The following RBKS variants were observed in gnomAD, a reference collection of about 807,000 sequenced individuals.
RBKS encodes the protein ribokinase.
In RBKS, 33 loss-of-function variants were observed where a neutral mutation model predicts 33.9. That is an observed-to-expected ratio of 0.97 (90% CI 0.74 to 1.30). The LOEUF (loss-of-function observed/expected upper bound fraction) is 1.30. Among genes scored for constraint, RBKS ranks in the 50% most tolerant of loss-of-function variants. The pLI, the probability that RBKS is intolerant of heterozygous loss-of-function variation, is 0.00. For synonymous variants in RBKS, 125 were observed against 143.0 expected, an observed-to-expected ratio of 0.87 and a Z score of 0.90; for missense variants, 361 against 392.6, an observed-to-expected ratio of 0.92 and a Z score of 0.68.
intron 1 of RBKS, among the ~76,000 whole-genome samples, chr2:27,878,435 G>A (rs1177740211): frequency 6.6e-6 from 1 of 151,848 alleles, no homozygotes; most frequent in Non-Finnish European, 1.5e-5. Flanking sequence ...TATCATTGTT[G>A]GACATTTGGG....
intron 2 of RBKS, among the ~76,000 whole-genome samples, chr2:27,853,905 A>G (rs1239547798): frequency 6.6e-6 from 1 of 152,228 alleles, no homozygotes; most frequent in Non-Finnish European, 1.5e-5. Flanking sequence ...AGTTCAGGAA[A>G]GGACAGATTT....
intron 7 of RBKS, among the ~76,000 whole-genome samples, chr2:27,786,598 G>C (rs192280541): frequency 1.5e-4 from 23 of 152,098 alleles, no homozygotes; most frequent in African/African-American, 5.1e-4. Flanking sequence ...CTGGCCAAGA[G>C]GGTGAAACCC....
rs1201405786 is a variant in RBKS, at chr2:27,810,596, A to G, written c.795+16971T>C. Reference sequence around the variant, plus strand: ...CTTTATGTGAGTCGGAGTAAAAAATATGCTGAAAACCACTCAGACTGACAG... The same window carrying G: ...CTTTATGTGAGTCGGAGTAAAAAATGTGCTGAAAACCACTCAGACTGACAG... On this transcript the variant is annotated intron_variant, in intron 7 of 7. Coordinates refer to ENST00000302188, the MANE Select transcript of RBKS (RefSeq NM_022128.3). The surrounding 1 kb of genome is among the most constrained non-coding windows in gnomAD (Gnocchi z 4.4). 6.6e-6 allele frequency among the ~76,000 whole-genome samples: 1 copy of G among 152,232 alleles called. No individual in the cohort carries two copies. The highest frequency in any genetic ancestry group is 1.9e-4 in the East Asian group (1 of 5,196).
intron 1 of RBKS, among the ~76,000 whole-genome samples, chr2:27,881,272 G>T (rs972494838): frequency 2.6e-5 from 4 of 151,302 alleles, no homozygotes; most frequent in African/African-American, 4.9e-5. Context: ...CAGGCACAGT[G>T]GCTCACCTCT....
At chr2:27,884,552 C>CT (rs561922097) in intron 1 of RBKS, among the ~76,000 whole-genome samples, 27 of 148,780 alleles carry the variant, frequency 1.8e-4, no homozygotes, top group Admixed American at 5.4e-4. Flanking sequence ...CTGGCCATAA[C>CT]TTTTTTTTTT....
intron 7 of RBKS, 25 bp downstream of exon 7, chr2:27,827,542 A>G (rs1678335079): frequency 1.3e-6 from 2 of 1,521,856 alleles, no homozygotes; most frequent in Non-Finnish European, 8.8e-7. Context: ...AAGGCTAAAC[A>G]TGATTCTTAA....
intron 2 of RBKS, among the ~76,000 whole-genome samples, chr2:27,850,345 T>C (rs1663715644): frequency 6.6e-6 from 1 of 152,204 alleles, no homozygotes; most frequent in Non-Finnish European, 1.5e-5. Context: ...TCAAACTCCA[T>C]AGTTTACATT....
At chr2:27,865,378 C>G (rs1023096075) in intron 1 of RBKS, among the ~76,000 whole-genome samples, 2 of 152,158 alleles carry the variant, frequency 1.3e-5, no homozygotes, top group Non-Finnish European at 2.9e-5. Flanking sequence ...AATCTTTGCT[C>G]AGAAAGTCCT....
intron 7 of RBKS, among the ~76,000 whole-genome samples, chr2:27,817,944 A>T (rs532860464): frequency 6.6e-5 from 10 of 152,170 alleles, no homozygotes; most frequent in Non-Finnish European, 1.5e-4. Flanking sequence ...ACACCTGGGG[A>T]TTACAATTCG....
rs533506145 is a variant in RBKS at position 27,882,730 on chromosome 2, T to C, written c.89+7527A>G. 9.2e-5 allele frequency among the ~76,000 whole-genome samples: 14 copies of C among 152,322 alleles called. No homozygotes were observed. The South Asian group carries it at 2.9e-3, about 32-fold the overall frequency. ...AAGAAAATGTGGTACATATACACTA[T>C]GGAATACTACACAGTTGTTAAAAAG... On this transcript the variant is annotated intron_variant, in intron 1 of 7. Transcript: ENST00000302188.
chr2:27,784,566 C>T (rs538157124), intron 7 of RBKS, among the ~76,000 whole-genome samples: 1 of 152,174 alleles, frequency 6.6e-6, no homozygotes, highest in Non-Finnish European at 1.5e-5. Context: ...CACCTTGCCT[C>T]TGCCAGAAGG....
At chr2:27,838,972 G>GTA (rs1663394595) in intron 5 of RBKS, among the ~76,000 whole-genome samples, 2 of 152,182 alleles carry the variant, frequency 1.3e-5, no homozygotes, top group African/African-American at 2.4e-5. Flanking sequence ...AACTCTTTAT[G>GTA]GTGTTGTCAC....
chr2:27,790,104 A>G (rs774326038), intron 7 of RBKS, among the ~76,000 whole-genome samples: 19 of 151,660 alleles, frequency 1.3e-4, no homozygotes, highest in Non-Finnish European at 2.4e-4. Flanking sequence ...TGCTGAGATT[A>G]CAAGTGTGAT....
At chr2:27,834,798 G>A (rs1315219528) in intron 5 of RBKS, among the ~76,000 whole-genome samples, 1 of 152,174 alleles carries the variant, frequency 6.6e-6, no homozygotes, top group Non-Finnish European at 1.5e-5. Context: ...GGAACAACAT[G>A]GTAGAGCCAT....
At chr2:27,827,457 C>T in intron 7 of RBKS, 110 bp downstream of exon 7, 3 of 909,068 alleles carry the variant, frequency 3.3e-6, no homozygotes, top group Non-Finnish European at 4.8e-6. Context: ...TTTACCATAT[C>T]ACTTACTAGG....
At position 27,888,191 on chromosome 2, in the gene RBKS, G is replaced by A. The variant is rs576158533; in HGVS notation, c.89+2066C>T. ...CACCCAAGCTGGAGTGCAATGGCGC[G>A]ATCTCAGCTCACTGCTACCTCCACC... On this transcript the variant is annotated intron_variant, in intron 1 of 7. Coordinates refer to ENST00000302188, the MANE Select transcript of RBKS (RefSeq NM_022128.3). 2.7e-3 allele frequency among the ~76,000 whole-genome samples: 412 copies of A among 151,692 alleles called. 1 individual carries two copies. Among genetic ancestry groups the A allele is most frequent in the African/African-American group, 8.8e-3 (364 of 41,350 alleles).
chr2:27,830,219 T>C (rs1678394548), intron 6 of RBKS, among the ~76,000 whole-genome samples: 2 of 152,198 alleles, frequency 1.3e-5, no homozygotes, highest in South Asian at 4.1e-4. Context: ...ATCATAAGCA[T>C]GAATTTACAT....
At chr2:27,849,227 T>G (rs1319737133) in intron 2 of RBKS, among the ~76,000 whole-genome samples, 2 of 151,562 alleles carry the variant, frequency 1.3e-5, no homozygotes, top group Non-Finnish European at 2.9e-5. Flanking sequence ...TTGCTTAAGC[T>G]ATTTTGAATT....
At chr2:27,782,578 G>A (rs1312731694) in intron 7 of RBKS, 1 of 463,696 alleles carries the variant, frequency 2.2e-6, no homozygotes, top group Admixed American at 2.4e-5. Flanking sequence ...ACAGGCTGTG[G>A]TTATGGTTTT....
Sources: gnomAD v4.1 joint callset for allele counts (sites outside exome capture counted in the v4.1 genomes callset) on GRCh38, gnomAD v4.1.1 for gene constraint, Gnocchi (gnomAD v3.1) non-coding constraint, MANE v1.5 for transcripts, NCBI Gene and HGNC (gene_info 2026-07-23, HGNC 2026-07-21) for gene names.